The following KDM2A variants were observed in gnomAD, a reference collection of about 807,000 sequenced individuals.
KDM2A encodes the protein lysine-specific demethylase 2A.
Under a neutral mutation model 137.3 loss-of-function variants are expected in KDM2A, and 3 were observed. The ratio of observed to expected loss-of-function variants is 0.02; its 90% CI spans 0.01 to 0.06. The LOEUF (loss-of-function observed/expected upper bound fraction) is 0.06. KDM2A is among the 10% of genes least tolerant of loss of function. KDM2A has a pLI of 1.00. For missense variants in KDM2A, 738 were observed against 1,510.6 expected (o/e 0.49, Z 8.48); for synonymous variants, 512 against 541.5 (o/e 0.95, Z 0.76).
At chr11:67,169,717 C>CT in intron 2 of KDM2A, among the ~76,000 whole-genome samples, 1 of 124,060 alleles carries the variant, frequency 8.1e-6, no homozygotes, top group African/African-American at 2.6e-5. Flanking sequence ...CTTTTTTCTT[C>CT]TCTCTCTCTC....
At chr11:67,229,806 G>GTTGC (rs1302520023) in intron 11 of KDM2A, among the ~76,000 whole-genome samples, 4 of 151,554 alleles carry the variant, frequency 2.6e-5, no homozygotes, top group African/African-American at 9.7e-5. Flanking sequence ...GGAGGTGGAG[G>GTTGC]TTGCAGTGAG....
intron 12 of KDM2A, among the ~76,000 whole-genome samples, chr11:67,238,181 A>G (rs757084660): frequency 6.6e-6 from 1 of 152,090 alleles, no homozygotes; most frequent in Non-Finnish European, 1.5e-5. Context: ...TTTATTCTCA[A>G]TTAGCAGGAG....
intron 5 of KDM2A, among the ~76,000 whole-genome samples, chr11:67,183,020 A>G (rs1323591182): frequency 6.6e-6 from 1 of 152,206 alleles, no homozygotes; most frequent in Admixed American, 6.5e-5. Context: ...TTGTTAGACT[A>G]CCGACTCTTC....
At chr11:67,223,171 G>A (rs530597460) in intron 10 of KDM2A, among the ~76,000 whole-genome samples, 53 of 133,102 alleles carry the variant, frequency 4.0e-4, no homozygotes, top group Non-Finnish European at 6.5e-4. Context: ...CAGCCTGGGC[G>A]ACAAGAATGA....
intron 2 of KDM2A, among the ~76,000 whole-genome samples, chr11:67,162,840 A>G (rs921531754): frequency 2.6e-5 from 4 of 152,100 alleles, no homozygotes; most frequent in African/African-American, 9.7e-5. Flanking sequence ...CAGCTTCCCA[A>G]GTAGCTGGGA....
At chr11:67,220,753 A>C (rs1404302908) in intron 10 of KDM2A, among the ~76,000 whole-genome samples, 1 of 152,136 alleles carries the variant, frequency 6.6e-6, no homozygotes, top group African/African-American at 2.4e-5. Context: ...TAACTGTTTA[A>C]CCCTACCTTG....
rs1859320110 is a variant in KDM2A at position 67,248,638 on chromosome 11, A to G, written c.2055+268A>G. 7.7e-6 allele frequency: 3 copies of G among 388,622 alleles called. No homozygotes were observed. In the South Asian group the frequency reaches 8.4e-5, roughly 11 times the overall value. The allele number at this position is 388,622 out of a possible 1,614,324, so 24.1% of individuals were successfully genotyped here. On this transcript the variant is annotated intron_variant, in intron 16 of 20. Coordinates refer to ENST00000529006, the MANE Select transcript of KDM2A (RefSeq NM_012308.3). ...TTTTATACTCTGGGGCCCTACAAAG[A>G]GAGGAACCACGGCTGGGCTATTTGA...
intron 2 of KDM2A, among the ~76,000 whole-genome samples, chr11:67,170,408 C>CTTTTTTTTTTTTTTTTTT (rs923665021): frequency 1.1e-5 from 1 of 92,840 alleles, no homozygotes; most frequent in Non-Finnish European, 2.1e-5. Context: ...TTCTTTCTTT[C>CTTTTTTTTTTTTTTTTTT]TTTTTTTTTT....
At chr11:67,224,818 C>A (rs1289939162) in intron 10 of KDM2A, among the ~76,000 whole-genome samples, 2 of 143,474 alleles carry the variant, frequency 1.4e-5, no homozygotes, top group Non-Finnish European at 3.0e-5. Context: ...GGGCACTTGG[C>A]AGCTGCAGCA....
intron 5 of KDM2A, among the ~76,000 whole-genome samples, chr11:67,207,170 C>T (rs924245046): frequency 2.0e-5 from 3 of 152,156 alleles, no homozygotes; most frequent in African/African-American, 7.2e-5. Flanking sequence ...TCTTTTCCTG[C>T]TTTGTTCTGT....
chr11:67,253,703 T>TTTC, intron 19 of KDM2A, 92 bp downstream of exon 19: 1 of 1,323,650 alleles, frequency 7.6e-7, no homozygotes, highest in Non-Finnish European at 1.1e-6. Flanking sequence ...TAGTCTCAGA[T>TTTC]ATGACGCTGT....
At chr11:67,188,989 C>G (rs1857277611) in intron 5 of KDM2A, among the ~76,000 whole-genome samples, 1 of 151,946 alleles carries the variant, frequency 6.6e-6, no homozygotes, top group African/African-American at 2.4e-5. Context: ...TTCAGTACCC[C>G]CTCTCAATAA....
In KDM2A at chr11:67,247,077, T is replaced by TAA. The variant is rs1198408004; in HGVS notation, c.1965+961_1965+962insAA. On this transcript the variant is annotated intron_variant, in intron 15 of 20. Coordinates refer to ENST00000529006, the MANE Select transcript of KDM2A (RefSeq NM_012308.3). The stretch of plus-strand genomic sequence containing the variant: ...TATATATATATATATATATATTTTT[T>TAA]TTTTTTTTTTTTTTTTTTTTTTTTT... 3.2e-3 allele frequency among the ~76,000 whole-genome samples: 231 copies of TAA among 72,766 alleles called. 2 individuals carry two copies. Among genetic ancestry groups the TAA allele is most frequent in the African/African-American group, 0.01 (158 of 15,206 alleles). 47.7% of individuals were successfully genotyped at this position (72,766 alleles called of 152,430 possible). A position where few individuals can be genotyped will look rare whatever the true frequency, so the allele number is the denominator to read the frequency against.
intron 5 of KDM2A, among the ~76,000 whole-genome samples, chr11:67,206,153 A>C (rs1031015638): frequency 1.3e-5 from 2 of 152,226 alleles, no homozygotes; most frequent in Admixed American, 1.3e-4. Context: ...GGTCTCAGGC[A>C]GGTGCAGTGG....
intron 2 of KDM2A, among the ~76,000 whole-genome samples, chr11:67,130,595 G>A (rs527916664): frequency 6.6e-6 from 1 of 152,156 alleles, no homozygotes; most frequent in East Asian, 1.9e-4. Context: ...GATACATTAT[G>A]TATATCATGT....
At chr11:67,174,262 AAAAG>A (rs1426490180) in intron 2 of KDM2A, among the ~76,000 whole-genome samples, 6 of 152,196 alleles carry the variant, frequency 3.9e-5, no homozygotes, top group African/African-American at 1.2e-4. Context: ...TGTCTCAAAA[AAAAG>A]AAAGAAACCG....
At chr11:67,200,805 C>T (rs1857601544) in intron 5 of KDM2A, among the ~76,000 whole-genome samples, 1 of 152,174 alleles carries the variant, frequency 6.6e-6, no homozygotes, top group Non-Finnish European at 1.5e-5. Context: ...CCATGCCTTG[C>T]CTGAGATTAA....
chr11:67,152,017 A>G lies in KDM2A; in HGVS notation c.43-28062A>G, dbSNP rs947201069. On this transcript the variant is annotated intron_variant, in intron 2 of 20. Transcript: ENST00000529006. ...TTTACTGGGTTAAATAAAATATATT[A>G]TTAAAATTAATTTCCCGCCGGGTGC... Among the ~76,000 whole-genome samples the G allele has an allele frequency of 5.9e-5, 9 of 152,184 alleles. No homozygotes were observed. The East Asian group carries it at 1.3e-3, about 23-fold the overall frequency.
At chr11:67,169,733 TTCTCTC>T (rs71056181) in intron 2 of KDM2A, among the ~76,000 whole-genome samples, 2,226 of 92,654 alleles carry the variant, frequency 0.024, 37 homozygotes, top group East Asian at 0.067. Context: ...CTCTCTCTCC[TTCTCTC>T]TCTCTCTCTC....
Sources: allele counts gnomAD v4.1 joint callset (sites outside exome capture counted in the v4.1 genomes callset), GRCh38; gene constraint gnomAD v4.1.1; transcripts MANE v1.5; gene names NCBI Gene and HGNC (gene_info 2026-07-23, HGNC 2026-07-21).